The following MEIS2 variants were observed in gnomAD, a reference collection of about 807,000 sequenced individuals.
MEIS2 encodes homeobox protein Meis2.
MEIS2 carries 9 observed loss-of-function variants against 58.6 expected under a neutral mutation model. The ratio of observed to expected loss-of-function variants is 0.15; its 90% CI spans 0.09 to 0.27. The LOEUF is 0.27. Among genes scored for constraint, MEIS2 ranks in the 10% least tolerant of loss-of-function variants. The pLI is 1.00. For missense variants in MEIS2, 427 were observed against 635.0 expected (o/e 0.67, Z 3.52); for synonymous variants, 221 against 228.4 (o/e 0.97, Z 0.29).
intron 2 of MEIS2, chr15:37,097,234 C>T (rs578169715): frequency 6.6e-6 from 1 of 152,438 alleles, no homozygotes; most frequent in East Asian, 1.9e-4. Context: ...TACCCACTGT[C>T]CCCTCCCCTC....
At chr15:36,919,577 C>A (rs1159875486) in intron 9 of MEIS2, among the ~76,000 whole-genome samples, 12 of 133,966 alleles carry the variant, frequency 9.0e-5, no homozygotes, top group Admixed American at 7.4e-5. Flanking sequence ...AACTCCGTCT[C>A]AAAAAAAAAA....
chr15:36,935,333 C>T (rs1337601391), intron 9 of MEIS2, among the ~76,000 whole-genome samples: 1 of 151,912 alleles, frequency 6.6e-6, no homozygotes, highest in Non-Finnish European at 1.5e-5. Flanking sequence ...ATATATTCAG[C>T]CCAAACCCAA....
Position 36,890,093 on chromosome 15 carries a change from T to C in MEIS2, c.*2080A>G, listed in dbSNP as rs1285409553. 1.3e-5 allele frequency: 2 copies of C among 152,226 alleles called. No individual in the cohort carries two copies. Among genetic ancestry groups the C allele is most frequent in the East Asian group, 1.9e-4 (1 of 5,204 alleles). 9.4% of individuals were successfully genotyped at this position (152,226 alleles called of 1,614,324 possible). A position where few individuals can be genotyped will look rare whatever the true frequency, so the allele number is the denominator to read the frequency against. ...ATGGAAGAGCCCCAAATAATAACTA[T>C]GGATTTCTTCCAAGTTTAAGTTTGC... On this transcript the variant is annotated 3_prime_UTR_variant, in exon 12 of 12. Coordinates refer to ENST00000561208, the MANE Select transcript of MEIS2 (RefSeq NM_170675.5).
chr15:36,919,100 G>T (rs1465157968), intron 9 of MEIS2, among the ~76,000 whole-genome samples: 1 of 152,024 alleles, frequency 6.6e-6, no homozygotes, highest in African/African-American at 2.4e-5. Context: ...AAAATCACGT[G>T]ATCCTAGGAG....
intron 7 of MEIS2, among the ~76,000 whole-genome samples, chr15:37,077,750 G>T (rs1891605702): frequency 6.6e-6 from 1 of 151,896 alleles, no homozygotes; most frequent in Admixed American, 6.6e-5. Context: ...CATGACGTTA[G>T]CTTGACTGTC....
At chr15:37,015,735 T>C (rs920567225) in intron 8 of MEIS2, among the ~76,000 whole-genome samples, 1 of 151,768 alleles carries the variant, frequency 6.6e-6, no homozygotes, top group East Asian at 1.9e-4. Flanking sequence ...GCTTTCTACC[T>C]TTTTTTTCCC....
intron 1 of MEIS2, chr15:37,098,797 G>A (rs1008594020): frequency 1.3e-5 from 7 of 541,304 alleles, no homozygotes; most frequent in Non-Finnish European, 1.7e-5. Flanking sequence ...GAAGAAAAAC[G>A]CTAATAATCA....
chr15:36,920,366 C>T (rs1416881261), intron 9 of MEIS2, among the ~76,000 whole-genome samples: 3 of 152,120 alleles, frequency 2.0e-5, no homozygotes, highest in African/African-American at 7.2e-5. Flanking sequence ...AGGTTGGTCT[C>T]GAACTCCCGA....
intron 8 of MEIS2, among the ~76,000 whole-genome samples, chr15:36,972,431 C>T (rs1029581070): frequency 5.3e-5 from 8 of 152,052 alleles, no homozygotes; most frequent in African/African-American, 1.4e-4. Flanking sequence ...AGGCTGAAGA[C>T]GAAAATGTTT....
At chr15:37,063,132 A>C (rs1005510402) in intron 7 of MEIS2, among the ~76,000 whole-genome samples, 1 of 152,192 alleles carries the variant, frequency 6.6e-6, no homozygotes, top group African/African-American at 2.4e-5. Context: ...AACCCACCTG[A>C]AGCTTTCAGA....
At chr15:36,938,547 T>C (rs2141353986) in intron 9 of MEIS2, among the ~76,000 whole-genome samples, 1 of 152,238 alleles carries the variant, frequency 6.6e-6, no homozygotes, top group African/African-American at 2.4e-5. Context: ...ATCGGTTTCT[T>C]TTTCTTCATT....
chr15:37,021,407 G>A (rs976521656), intron 8 of MEIS2, among the ~76,000 whole-genome samples: 6 of 152,162 alleles, frequency 3.9e-5, no homozygotes, highest in Admixed American at 3.3e-4. Context: ...TTATGTACAT[G>A]CTAGAAAGTT....
chr15:36,894,753 G>T (rs2056078924), intron 11 of MEIS2: 2 of 1,613,686 alleles, frequency 1.2e-6, no homozygotes, highest in South Asian at 2.2e-5. Context: ...CATGATGAAG[G>T]TTACATGTAG....
chr15:37,018,079 A>G (rs1369709406), intron 8 of MEIS2, among the ~76,000 whole-genome samples: 1 of 152,128 alleles, frequency 6.6e-6, no homozygotes, highest in East Asian at 1.9e-4. Flanking sequence ...CTATTTTACA[A>G]AGATAAGAAA....
At chr15:37,098,580 T>C (rs1241403958) in intron 1 of MEIS2, 5 of 263,764 alleles carry the variant, frequency 1.9e-5, no homozygotes, top group Non-Finnish European at 3.0e-5. Flanking sequence ...GAGCAACGTT[T>C]AGAGAAGGAA....
At chr15:36,968,922 T>C (rs904898981) in intron 8 of MEIS2, among the ~76,000 whole-genome samples, 2 of 152,210 alleles carry the variant, frequency 1.3e-5, no homozygotes, top group African/African-American at 4.8e-5. Context: ...AAAGTATCTA[T>C]TGAAGAGATG....
chr15:37,004,071 T>C (rs1242260966), intron 8 of MEIS2, among the ~76,000 whole-genome samples: 1 of 152,206 alleles, frequency 6.6e-6, no homozygotes, highest in Non-Finnish European at 1.5e-5. Flanking sequence ...AAAATTTCCT[T>C]AACTGACATG....
chr15:37,018,427 A>G (rs535100513), intron 8 of MEIS2, among the ~76,000 whole-genome samples: 4 of 152,240 alleles, frequency 2.6e-5, no homozygotes, highest in African/African-American at 9.6e-5. Context: ...TTTTAGATTT[A>G]TTATATTATG....
At chr15:36,927,065 C>G (rs570208036) in intron 9 of MEIS2, among the ~76,000 whole-genome samples, 2 of 152,340 alleles carry the variant, frequency 1.3e-5, no homozygotes, top group African/African-American at 4.8e-5. Flanking sequence ...GGCATCTTTT[C>G]TTCCTACCGA....
Sources: gnomAD v4.1 joint callset for allele counts (sites outside exome capture counted in the v4.1 genomes callset) on GRCh38, gnomAD v4.1.1 for gene constraint, MANE v1.5 for transcripts, NCBI Gene and HGNC (gene_info 2026-07-23, HGNC 2026-07-21) for gene names.